The following RELCH variants were observed in gnomAD, a reference collection of about 807,000 sequenced individuals.
The protein encoded by RELCH is RAB11 binding and LisH domain, coiled-coil and HEAT repeat containing.
In RELCH, 41 loss-of-function variants were observed where a neutral mutation model predicts 150.3. That is an observed-to-expected ratio of 0.27 (90% CI 0.21 to 0.35). The LOEUF (loss-of-function observed/expected upper bound fraction) is 0.35. Ranked by LOEUF, RELCH falls within the 10% of genes least tolerant of loss-of-function variation. The probability of loss-of-function intolerance (pLI) is 1.00; values close to 1 mark genes in which losing one functional copy is unlikely to be tolerated. For synonymous variants in RELCH, 478 were observed against 531.8 expected (o/e 0.90, Z 1.39); for missense variants, 1,092 against 1,467.8 (o/e 0.74, Z 4.18).
At chr18:62,298,004 A>G (rs2045494444) in intron 27 of RELCH, among the ~76,000 whole-genome samples, 1 of 152,146 alleles carries the variant, frequency 6.6e-6, no homozygotes, top group South Asian at 2.1e-4. Context: ...CTAATACACT[A>G]CATAATTTAC....
intron 27 of RELCH, among the ~76,000 whole-genome samples, chr18:62,296,777 T>C (rs547769565): frequency 6.6e-6 from 1 of 152,318 alleles, no homozygotes; most frequent in South Asian, 2.1e-4. Flanking sequence ...ATTGAGATGA[T>C]CATGAGGTTG....
At chr18:62,240,131 A>G (rs979087893) in intron 10 of RELCH, among the ~76,000 whole-genome samples, 2 of 151,958 alleles carry the variant, frequency 1.3e-5, no homozygotes, top group African/African-American at 4.8e-5. Flanking sequence ...AGTAAATATG[A>G]TATCACATTA....
At chr18:62,240,637 A>G (rs1325043573) in intron 10 of RELCH, among the ~76,000 whole-genome samples, 1 of 151,884 alleles carries the variant, frequency 6.6e-6, no homozygotes, top group Non-Finnish European at 1.5e-5. Context: ...TCGAATGCTA[A>G]TCCTCTTCTA....
intron 1 of RELCH, among the ~76,000 whole-genome samples, chr18:62,193,644 C>T (rs980674453): frequency 6.6e-6 from 1 of 152,030 alleles, no homozygotes; most frequent in Non-Finnish European, 1.5e-5. Flanking sequence ...GTCTTTAGTT[C>T]TGTTTATGTG....
At chr18:62,261,086 G>A (rs1339594258) in intron 15 of RELCH, among the ~76,000 whole-genome samples, 1 of 151,980 alleles carries the variant, frequency 6.6e-6, no homozygotes, top group Non-Finnish European at 1.5e-5. Flanking sequence ...TCGAGGTGAT[G>A]CATATCTCAA....
Position 62,187,643 on chromosome 18 carries a change from C to T in RELCH, c.138C>T (p.Gly46=). The change falls in exon 1 of 29, where the codon GGC becomes GGT. Residue 46 remains glycine, a synonymous_variant. Coordinates refer to ENST00000644646, the MANE Select transcript of RELCH (RefSeq NM_001346231.2). ...RAVLRLGAGS[G]LDPGSAGSLS... is the part of the protein sequence containing the mutation. ...TACTTCGGCTGGGCGCCGGAAGTGG[C>T]CTAGATCCTGGCTCTGCGGGCTCGC... 1 of 1,554,266 alleles carries T rather than the reference C, an allele frequency of 6.4e-7. No homozygotes were observed. The highest frequency in any genetic ancestry group is 1.7e-4 in the Middle Eastern group (1 of 5,768).
In RELCH at chr18:62,308,863, A is replaced by T. The variant is rs2045943760; in HGVS notation, c.*3329A>T. ...CTACAAAATAAATTTAGCCTTTTGT[A>T]TGAGTAGACATCTATTTCAAAGTTC... On this transcript the variant is annotated 3_prime_UTR_variant, in exon 29 of 29. Coordinates refer to ENST00000644646, the MANE Select transcript of RELCH (RefSeq NM_001346231.2). The T allele has an allele frequency of 6.6e-6, 1 of 152,232 alleles. No homozygotes were observed. The highest frequency in any genetic ancestry group is 1.5e-5 in the Non-Finnish European group (1 of 68,044). 9.4% of individuals were successfully genotyped at this position (152,232 alleles called of 1,614,324 possible).
In RELCH at chr18:62,241,921, A is replaced by C. The variant is rs149892845; in HGVS notation, c.1621-2843A>C. Among the ~76,000 whole-genome samples the C allele has an allele frequency of 3.3e-5, 5 of 152,326 alleles. No individual in the cohort carries two copies. In the East Asian group the frequency reaches 9.6e-4, roughly 29 times the overall value. On this transcript the variant is annotated intron_variant, in intron 10 of 28. Transcript: ENST00000644646. ...CTATTTTTTATTTTAATAGCAATAC[A>C]AATAGAAGTTATAAATAAATGGATA...
intron 12 of RELCH, among the ~76,000 whole-genome samples, chr18:62,255,087 G>C (rs1247103993): frequency 6.6e-6 from 1 of 152,064 alleles, no homozygotes; most frequent in Non-Finnish European, 1.5e-5. Flanking sequence ...TTCTACTCTT[G>C]CTAGGGAAAG....
intron 26 of RELCH, among the ~76,000 whole-genome samples, chr18:62,289,023 T>C (rs554777674): frequency 6.6e-6 from 1 of 152,024 alleles, no homozygotes; most frequent in African/African-American, 2.4e-5. Flanking sequence ...TCAAGGAAAA[T>C]GGGAAAGTTA....
intron 27 of RELCH, among the ~76,000 whole-genome samples, chr18:62,296,323 C>T (rs1038011555): frequency 6.6e-6 from 1 of 152,172 alleles, no homozygotes; most frequent in Non-Finnish European, 1.5e-5. Context: ...CGTGGTGGCC[C>T]ACGCCTGTAA....
chr18:62,269,303 C>A, intron 20 of RELCH: 1 of 362,682 alleles, frequency 2.8e-6, no homozygotes, highest in Non-Finnish European at 5.4e-6. Flanking sequence ...GAACACTATA[C>A]CTTATCAACA....
intron 28 of RELCH, chr18:62,300,532 G>A (rs1016014050): frequency 6.6e-6 from 1 of 152,218 alleles, no homozygotes. Flanking sequence ...AAAGATATCT[G>A]TATCTGTGAA....
chr18:62,226,526 AAAG>A (rs1436019726), intron 5 of RELCH, among the ~76,000 whole-genome samples: 11 of 152,228 alleles, frequency 7.2e-5, no homozygotes, highest in South Asian at 2.1e-4. Flanking sequence ...TGGAGTAATA[AAAG>A]AAGAACAAAA....
chr18:62,219,517 T>C (rs978223540), intron 2 of RELCH, among the ~76,000 whole-genome samples: 1 of 145,298 alleles, frequency 6.9e-6, no homozygotes, highest in African/African-American at 2.5e-5. Flanking sequence ...AAAAAAAAAG[T>C]AAACCAACAT....
chr18:62,226,441 A>G (rs141575553), intron 5 of RELCH, among the ~76,000 whole-genome samples: 188 of 152,248 alleles, frequency 1.2e-3, no homozygotes, highest in Non-Finnish European at 2.2e-3. Context: ...ATTATATTCA[A>G]ACATTTACAG....
intron 26 of RELCH, among the ~76,000 whole-genome samples, chr18:62,290,779 A>G (rs1420732212): frequency 6.6e-6 from 1 of 152,218 alleles, no homozygotes; most frequent in Non-Finnish European, 1.5e-5. Context: ...ATTACAGTAA[A>G]AGCTCTGTTA....
intron 19 of RELCH, 29 bp from the exon 20 acceptor site, chr18:62,268,840 G>A: frequency 1.7e-6 from 2 of 1,186,904 alleles, no homozygotes; most frequent in Non-Finnish European, 2.3e-6. Context: ...ATATACTTAT[G>A]TTTTTTTAAA....
At chr18:62,241,980 A>G (rs991048284) in intron 10 of RELCH, among the ~76,000 whole-genome samples, 1 of 152,192 alleles carries the variant, frequency 6.6e-6, no homozygotes, top group Non-Finnish European at 1.5e-5. Context: ...GGCAGTCTCA[A>G]TCTAGCAATT....
Sources: allele counts gnomAD v4.1 joint callset (sites outside exome capture counted in the v4.1 genomes callset), GRCh38; gene constraint gnomAD v4.1.1; transcripts MANE v1.5; gene names NCBI Gene and HGNC (gene_info 2026-07-23, HGNC 2026-07-21).